The following CNTN5 variants were observed in gnomAD, a reference collection of about 807,000 sequenced individuals.
CNTN5 encodes the protein contactin-5.
In CNTN5, 77 loss-of-function variants were observed where a neutral mutation model predicts 129.1. That is an observed-to-expected ratio of 0.60 (90% CI 0.50 to 0.72). The LOEUF (loss-of-function observed/expected upper bound fraction) is 0.72. Ranked by LOEUF, CNTN5 falls within the 30% of genes least tolerant of loss-of-function variation. The pLI is 0.00. For synonymous variants in CNTN5, 509 were observed against 465.6 expected (o/e 1.09, Z -1.20); for missense variants, 1,478 against 1,328.8 (o/e 1.11, Z -1.75).
intron 2 of CNTN5, among the ~76,000 whole-genome samples, chr11:99,371,431 C>G (rs1939815874): frequency 6.6e-6 from 1 of 151,948 alleles, no homozygotes. Context: ...AACAAGTGTA[C>G]TTTGAGTAAT....
intron 24 of CNTN5, among the ~76,000 whole-genome samples, chr11:100,352,101 A>G (rs890970649): frequency 1.7e-4 from 26 of 151,616 alleles, no homozygotes; most frequent in African/African-American, 6.3e-4. Flanking sequence ...TGTTGTTCAG[A>G]TTATTTCATC....
At chr11:99,655,320 G>GA (rs1158730728) in intron 3 of CNTN5, among the ~76,000 whole-genome samples, 1 of 152,120 alleles carries the variant, frequency 6.6e-6, no homozygotes, top group Non-Finnish European at 1.5e-5. Context: ...TCGGCAAGAA[G>GA]AAGTGGTCCA....
chr11:99,711,831 G>A (rs4643044), intron 3 of CNTN5, among the ~76,000 whole-genome samples: 4,569 of 151,980 alleles, frequency 0.03, 153 homozygotes, highest in East Asian at 0.19. Context: ...TTAAGGCTGC[G>A]TAGTATCCCA....
chr11:100,117,123 C>T (rs1240031279), intron 13 of CNTN5, among the ~76,000 whole-genome samples: 2 of 151,946 alleles, frequency 1.3e-5, no homozygotes, highest in Non-Finnish European at 2.9e-5. Flanking sequence ...TTTCTTTTCT[C>T]CTGGCAAAAG....
At chr11:100,204,132 GA>G (rs1335143532) in intron 15 of CNTN5, among the ~76,000 whole-genome samples, 1 of 149,474 alleles carries the variant, frequency 6.7e-6, no homozygotes, top group African/African-American at 2.5e-5. Context: ...TTATGTTTCT[GA>G]AAGTTAGTTA....
chr11:99,560,853 G>A (rs1948820132), intron 3 of CNTN5, among the ~76,000 whole-genome samples: 1 of 152,114 alleles, frequency 6.6e-6, no homozygotes, highest in African/African-American at 2.4e-5. Flanking sequence ...AAGAGAAGAA[G>A]TTTAGAATGA....
intron 3 of CNTN5, among the ~76,000 whole-genome samples, chr11:99,636,743 G>T (rs1170668766): frequency 1.3e-5 from 2 of 150,106 alleles, no homozygotes; most frequent in Non-Finnish European, 3.0e-5. Flanking sequence ...AGCTGGGCGC[G>T]GTGGCTCATA....
chr11:99,450,639 C>A (rs1311056892), intron 2 of CNTN5, among the ~76,000 whole-genome samples: 1 of 152,118 alleles, frequency 6.6e-6, no homozygotes, highest in Admixed American at 6.6e-5. Context: ...TAAACCCAGT[C>A]CAGACCTTAT....
intron 1 of CNTN5, among the ~76,000 whole-genome samples, chr11:99,135,177 T>C (rs117273755): frequency 0.036 from 5,451 of 152,244 alleles, 143 homozygotes; most frequent in Non-Finnish European, 0.054. Flanking sequence ...GTACATAGTC[T>C]CTTCATTCTA....
At chr11:99,800,687 C>G (rs1000082130) in intron 3 of CNTN5, among the ~76,000 whole-genome samples, 1 of 152,030 alleles carries the variant, frequency 6.6e-6, no homozygotes, top group African/African-American at 2.4e-5. Context: ...TAATGCATTT[C>G]TTTGTCCCTT....
chr11:99,665,184 ACAG>A (rs1416038194), intron 3 of CNTN5, among the ~76,000 whole-genome samples: 1 of 152,214 alleles, frequency 6.6e-6, no homozygotes, highest in Non-Finnish European at 1.5e-5. Context: ...GGAAGTTAAC[ACAG>A]CAGCAGATGC....
chr11:99,127,666 C>A (rs1858712975), intron 1 of CNTN5, among the ~76,000 whole-genome samples: 1 of 152,188 alleles, frequency 6.6e-6, no homozygotes. Flanking sequence ...CGGCTCTTTG[C>A]ACTTGCAACC....
In CNTN5 at chr11:99,992,215, T is replaced by C. The variant is rs549651836; in HGVS notation, c.878-9819T>C. Among the ~76,000 whole-genome samples the C allele has an allele frequency of 4.4e-4, 67 of 152,322 alleles. 1 individual carries two copies. In the South Asian group the frequency reaches 0.013, roughly 30 times the overall value. ...GAGTTCTTAACTCCAGCAATGATTA[T>C]TACTAAAAGTGTCAGACAGAATGGC... On this transcript the variant is annotated intron_variant, in intron 8 of 24. Coordinates refer to ENST00000524871, the MANE Select transcript of CNTN5 (RefSeq NM_014361.4).
intron 7 of CNTN5, among the ~76,000 whole-genome samples, chr11:99,937,449 A>G (rs1305207108): frequency 6.6e-6 from 1 of 152,194 alleles, no homozygotes; most frequent in Admixed American, 6.5e-5. Context: ...AAGTCTGGAG[A>G]GAGAAAACTG....
chr11:99,815,646 G>A (rs2135536215), intron 3 of CNTN5, among the ~76,000 whole-genome samples: 1 of 152,226 alleles, frequency 6.6e-6, no homozygotes, highest in South Asian at 2.1e-4. Flanking sequence ...TGAAATCTGT[G>A]TGCAGTGCCC....
At chr11:99,271,435 C>A (rs1591450374) in intron 1 of CNTN5, among the ~76,000 whole-genome samples, 3 of 151,746 alleles carry the variant, frequency 2.0e-5, no homozygotes, top group African/African-American at 7.3e-5. Context: ...AAAATTTATT[C>A]ATTTTTAGAA....
chr11:99,777,773 C>G (rs181158464), intron 3 of CNTN5, among the ~76,000 whole-genome samples: 8 of 151,820 alleles, frequency 5.3e-5, no homozygotes, highest in African/African-American at 1.7e-4. Context: ...AATAATAGTG[C>G]TAATTATACA....
chr11:99,730,165 A>G (rs1565469175), intron 3 of CNTN5, among the ~76,000 whole-genome samples: 1 of 152,196 alleles, frequency 6.6e-6, no homozygotes, highest in Non-Finnish European at 1.5e-5. Flanking sequence ...GTGAATAACT[A>G]TTAATTAAAC....
intron 1 of CNTN5, among the ~76,000 whole-genome samples, chr11:99,111,777 C>T (rs1043313590): frequency 5.3e-5 from 8 of 152,008 alleles, no homozygotes; most frequent in Non-Finnish European, 1.0e-4. Context: ...TTAAATACTG[C>T]GAACCTATTT....
Sources: allele counts gnomAD v4.1 joint callset (sites outside exome capture counted in the v4.1 genomes callset), GRCh38; gene constraint gnomAD v4.1.1; transcripts MANE v1.5; gene names NCBI Gene and HGNC (gene_info 2026-07-23, HGNC 2026-07-21).